PEMT: variants seen among roughly 807,000 people sequenced by gnomAD.
The protein encoded by PEMT is phosphatidylethanolamine N-methyltransferase, also known as phospholipid methyltransferase.
Under a neutral mutation model 27.4 loss-of-function variants are expected in PEMT, and 23 were observed. The ratio of observed to expected loss-of-function variants is 0.84; its 90% confidence interval spans 0.60 to 1.19. The LOEUF is 1.19. Ranked by LOEUF, PEMT falls within the 50% of genes most tolerant of loss-of-function variation. The pLI, the probability that PEMT is intolerant of heterozygous loss-of-function variation, is 0.00. For synonymous variants in PEMT, 137 were observed against 139.1 expected (o/e 0.98, Z 0.11); for missense variants, 307 against 310.1 (o/e 0.99, Z 0.07).
At chr17:17,506,882 C>T (rs893709206) in intron 5 of PEMT, 9 of 482,734 alleles carry the variant, frequency 1.9e-5, no homozygotes, top group Admixed American at 1.0e-4. Flanking sequence ...CCCTCAACAC[C>T]TAGCCCAGCT....
At chr17:17,586,288 G>GAAAA (rs113887195) in intron 1 of PEMT, among the ~76,000 whole-genome samples, 1,448 of 71,640 alleles carry the variant, frequency 0.02, 135 homozygotes, top group Middle Eastern at 0.054. Context: ...AAGAAAGAAA[G>GAAAA]AAAAAAAAAA....
At chr17:17,547,427 G>C (rs559422889) in intron 2 of PEMT, among the ~76,000 whole-genome samples, 1 of 152,228 alleles carries the variant, frequency 6.6e-6, no homozygotes, top group South Asian at 2.1e-4. Flanking sequence ...AGATGCGCTC[G>C]CCAAAGAACA....
intron 2 of PEMT, among the ~76,000 whole-genome samples, chr17:17,528,409 C>T (rs969678948): frequency 1.3e-5 from 2 of 152,210 alleles, no homozygotes; most frequent in Admixed American, 6.5e-5. Flanking sequence ...CTGAATCCCA[C>T]GTGGGGCTAC....
chr17:17,555,685 G>A (rs1194506989), intron 2 of PEMT, among the ~76,000 whole-genome samples: 4 of 152,290 alleles, frequency 2.6e-5, no homozygotes, highest in Admixed American at 1.3e-4. Context: ...CTCTGACCAC[G>A]GCCCATCCAC....
intron 2 of PEMT, among the ~76,000 whole-genome samples, chr17:17,529,002 C>T (rs554308348): frequency 3.1e-4 from 47 of 152,362 alleles, no homozygotes; most frequent in African/African-American, 1.0e-3. Flanking sequence ...CGCATCCCAG[C>T]GGGGCCTGGA....
chr17:17,547,375 G>A lies in PEMT; in HGVS notation c.205-24980C>T, dbSNP rs987705733. On this transcript the variant is annotated intron_variant, in intron 2 of 6. Transcript: ENST00000255389. Reference sequence around the variant, plus strand: ...GCGTTCAGGGCCTCTGCCCAAGGGGGCCTCCTGTCTGTGCCGCATGGACTC... The same window carrying A: ...GCGTTCAGGGCCTCTGCCCAAGGGGACCTCCTGTCTGTGCCGCATGGACTC... Among the ~76,000 whole-genome samples, 6 of 152,272 alleles carry A rather than the reference G, an allele frequency of 3.9e-5. No homozygotes were observed. The East Asian group carries it at 9.6e-4, about 24-fold the overall frequency.
chr17:17,505,874 G>A (rs751125766), intron 6 of PEMT, 26 bp from the exon 7 acceptor site: 21 of 1,600,676 alleles, frequency 1.3e-5, no homozygotes, highest in Non-Finnish European at 1.5e-5. Flanking sequence ...GAGAGGCTTC[G>A]GTCAGCAGGT....
intron 1 of PEMT, among the ~76,000 whole-genome samples, chr17:17,580,380 G>C (rs1911901803): frequency 6.6e-6 from 1 of 152,160 alleles, no homozygotes; most frequent in South Asian, 2.1e-4. Flanking sequence ...GGGAGGCTGA[G>C]GCAGAAGAAT....
chr17:17,547,381 T>C (rs533806198), intron 2 of PEMT, among the ~76,000 whole-genome samples: 27 of 152,362 alleles, frequency 1.8e-4, no homozygotes, highest in African/African-American at 6.5e-4. Context: ...GGGGGCCTCC[T>C]GTCTGTGCCG....
intron 1 of PEMT, 171 bp downstream of exon 1, chr17:17,591,360 C>G: frequency 6.5e-6 from 4 of 613,690 alleles, no homozygotes; most frequent in South Asian, 6.0e-5. Context: ...CACACACAGA[C>G]ACCAGCCGGC....
intron 2 of PEMT, among the ~76,000 whole-genome samples, chr17:17,572,104 G>A (rs140577760): frequency 2.0e-5 from 3 of 152,248 alleles, no homozygotes; most frequent in South Asian, 2.1e-4. Context: ...GGCAGCCAAC[G>A]GCCTTGCCTC....
chr17:17,585,898 C>T (rs550069865), intron 1 of PEMT, among the ~76,000 whole-genome samples: 6 of 151,652 alleles, frequency 4.0e-5, no homozygotes, highest in African/African-American at 1.5e-4. Flanking sequence ...CTGGCTAACA[C>T]GGTGAAACCC....
intron 2 of PEMT, 129 bp from the exon 3 acceptor site, chr17:17,522,524 G>C (rs1484271978): frequency 3.0e-6 from 2 of 663,860 alleles, no homozygotes; most frequent in Non-Finnish European, 5.4e-6. Context: ...AGAATTACAC[G>C]GGAGCAACAA....
At chr17:17,569,649 A>T (rs1468478578) in intron 2 of PEMT, among the ~76,000 whole-genome samples, 1 of 152,228 alleles carries the variant, frequency 6.6e-6, no homozygotes, top group African/African-American at 2.4e-5. Context: ...AGTCAGACAC[A>T]GGCAACTCTG....
chr17:17,577,567 C>G, intron 1 of PEMT: 5 of 983,370 alleles, frequency 5.1e-6, no homozygotes, highest in Non-Finnish European at 6.0e-6. Context: ...CACCCGCATA[C>G]GGGGGGCACG....
chr17:17,560,208 T>C (rs1031418320), intron 2 of PEMT, among the ~76,000 whole-genome samples: 1 of 152,018 alleles, frequency 6.6e-6, no homozygotes, highest in African/African-American at 2.4e-5. Flanking sequence ...CCAAGTACGA[T>C]GGAAAGGCTG....
At chr17:17,550,826 G>T (rs186842543) in intron 2 of PEMT, among the ~76,000 whole-genome samples, 10 of 152,190 alleles carry the variant, frequency 6.6e-5, no homozygotes, top group Non-Finnish European at 1.5e-4. Context: ...TGCACATCTC[G>T]GAGATGTGAA....
chr17:17,509,573 C>A (rs148302715), intron 4 of PEMT, 28 bp from the exon 5 acceptor site: 1 of 1,502,420 alleles, frequency 6.7e-7, no homozygotes, highest in Non-Finnish European at 9.3e-7. Flanking sequence ...CAGGGTCCCT[C>A]GGCTATTCAT....
chr17:17,536,351 A>G (rs537342741), intron 2 of PEMT, among the ~76,000 whole-genome samples: 55 of 152,156 alleles, frequency 3.6e-4, no homozygotes, highest in African/African-American at 1.1e-3. Flanking sequence ...GGGCCTCCCA[A>G]CTCTGATGGG....
Sources: gnomAD v4.1 joint callset for allele counts (sites outside exome capture counted in the v4.1 genomes callset) on GRCh38, gnomAD v4.1.1 for gene constraint, MANE v1.5 for transcripts, NCBI Gene and HGNC (gene_info 2026-07-23, HGNC 2026-07-21) for gene names.